Variants in CADPS2 observed in about 807,000 individuals in gnomAD.
The protein encoded by CADPS2 is calcium dependent secretion activator 2, also known as calcium-dependent secretion activator 2.
In CADPS2, 93 loss-of-function variants were observed where a neutral mutation model predicts 172.5. The ratio of observed to expected loss-of-function variants is 0.54; its 90% CI spans 0.46 to 0.64. The LOEUF (loss-of-function observed/expected upper bound fraction) is 0.64. CADPS2 is among the 30% of genes least tolerant of loss of function. CADPS2 has a pLI of 0.00. For missense variants in CADPS2, 1,420 were observed against 1,565.9 expected (o/e 0.91, Z 1.57); for synonymous variants, 546 against 555.2 (o/e 0.98, Z 0.23).
At chr7:122,581,087 A>G in intron 7 of CADPS2, 92 bp downstream of exon 7, 1 of 827,144 alleles carries the variant, frequency 1.2e-6, no homozygotes, top group Admixed American at 2.3e-5. Context: ...ATGAACATAA[A>G]GTTCACATAT....
intron 25 of CADPS2, 150 bp from the exon 26 acceptor site, chr7:122,361,163 C>T: frequency 1.7e-6 from 1 of 587,500 alleles, no homozygotes; most frequent in South Asian, 2.1e-5. Flanking sequence ...GTGATGTTTA[C>T]TCTTTCATTC....
At chr7:122,883,589 A>G (rs1012582187) in intron 1 of CADPS2, among the ~76,000 whole-genome samples, 1 of 152,194 alleles carries the variant, frequency 6.6e-6, no homozygotes, top group Non-Finnish European at 1.5e-5. Context: ...TAGCTTGTGC[A>G]TCAAATTCAC....
chr7:122,762,771 A>G (rs551682931), intron 1 of CADPS2, among the ~76,000 whole-genome samples: 1 of 152,272 alleles, frequency 6.6e-6, no homozygotes, highest in Non-Finnish European at 1.5e-5. Flanking sequence ...GAAGGCCACC[A>G]GTCCAAATGG....
At chr7:122,332,520 G>C (rs1438195205) in intron 28 of CADPS2, among the ~76,000 whole-genome samples, 1 of 151,516 alleles carries the variant, frequency 6.6e-6, no homozygotes, top group African/African-American at 2.4e-5. Flanking sequence ...TGTAAATTAA[G>C]AGTATCATGT....
At chr7:122,718,409 G>A (rs947809620) in intron 2 of CADPS2, among the ~76,000 whole-genome samples, 2 of 152,022 alleles carry the variant, frequency 1.3e-5, no homozygotes, top group Non-Finnish European at 2.9e-5. Context: ...AGTAGAAAGA[G>A]GGAGGAAGAA....
intron 4 of CADPS2, among the ~76,000 whole-genome samples, chr7:122,622,487 A>G (rs1283638723): frequency 3.3e-5 from 5 of 152,196 alleles, no homozygotes; most frequent in Non-Finnish European, 7.3e-5. Context: ...CTTCTGCTCA[A>G]TTAAAAGGAT....
chr7:122,462,755 T>C (rs6948516), intron 14 of CADPS2, among the ~76,000 whole-genome samples: 62,918 of 151,998 alleles, frequency 0.41, 13,368 homozygotes, highest in African/African-American at 0.5. Flanking sequence ...GTTATGATGA[T>C]CATCACCAAA....
At chr7:122,828,339 A>G (rs549150660) in intron 1 of CADPS2, among the ~76,000 whole-genome samples, 76 of 152,050 alleles carry the variant, frequency 5.0e-4, no homozygotes, top group Non-Finnish European at 9.3e-4. Context: ...AGCAACATAT[A>G]ATGGGTTCCT....
intron 1 of CADPS2, among the ~76,000 whole-genome samples, chr7:122,789,392 A>G (rs896868264): frequency 2.6e-5 from 4 of 152,210 alleles, no homozygotes; most frequent in African/African-American, 7.2e-5. Flanking sequence ...AATTAGTAGT[A>G]AGAGCTGCTA....
intron 8 of CADPS2, among the ~76,000 whole-genome samples, chr7:122,547,584 TA>T (rs2063757233): frequency 6.6e-6 from 1 of 152,160 alleles, no homozygotes; most frequent in African/African-American, 2.4e-5. Flanking sequence ...AAATTGGGTT[TA>T]AAAATAGCAA....
intron 1 of CADPS2, among the ~76,000 whole-genome samples, chr7:122,803,851 T>C (rs1193980526): frequency 6.6e-6 from 1 of 151,998 alleles, no homozygotes; most frequent in Non-Finnish European, 1.5e-5. Context: ...GTTTTCCTAA[T>C]ACACATCTTA....
In CADPS2 at chr7:122,885,979, C is replaced by T. The variant is rs373219693; in HGVS notation, c.339+20G>A. On this transcript the variant is annotated intron_variant, in intron 1 of 29. Coordinates refer to ENST00000449022, the MANE Select transcript of CADPS2 (RefSeq NM_017954.11). ...CCCAGGGAGAAGTGGTGGTAGGAGG[C>T]GCCCGGTCCCGCAACTCACCTTCTG... 2 of 1,591,136 alleles carry T rather than the reference C, an allele frequency of 1.3e-6. No individual in the cohort carries two copies. Among genetic ancestry groups the T allele is most frequent in the African/African-American group, 1.3e-5 (1 of 74,548 alleles).
intron 28 of CADPS2, among the ~76,000 whole-genome samples, chr7:122,339,267 T>A (rs923077539): frequency 1.6e-4 from 25 of 152,210 alleles, no homozygotes; most frequent in Non-Finnish European, 3.4e-4. Flanking sequence ...TTCTATTTAA[T>A]GGTCACTTTT....
At chr7:122,347,958 T>C (rs2037945817) in intron 27 of CADPS2, among the ~76,000 whole-genome samples, 1 of 152,156 alleles carries the variant, frequency 6.6e-6, no homozygotes, top group Non-Finnish European at 1.5e-5. Flanking sequence ...CAATACACAA[T>C]AGCAAGTTAA....
intron 4 of CADPS2, among the ~76,000 whole-genome samples, chr7:122,628,025 G>A (rs2076242250): frequency 6.6e-6 from 1 of 152,082 alleles, no homozygotes; most frequent in African/African-American, 2.4e-5. Context: ...CTGTGCAAAT[G>A]TAACTCTTTG....
chr7:122,886,391 G>A lies in CADPS2; in HGVS notation c.-54C>T. 1 of 1,461,792 alleles carries A rather than the reference G, an allele frequency of 6.8e-7. No homozygotes were observed. The highest frequency in any genetic ancestry group is 8.9e-7 in the Non-Finnish European group (1 of 1,117,898). The allele number at this position is 1,461,792 out of a possible 1,614,324, so 90.6% of individuals were successfully genotyped here. ...CGCGGTCCCCAAGCGCCTCACCCCC[G>A]GCGGCTGCGCCCGCGGGTCTGAGGG... On this transcript the variant is annotated 5_prime_UTR_variant, in exon 1 of 30. Coordinates refer to ENST00000449022, the MANE Select transcript of CADPS2 (RefSeq NM_017954.11).
At chr7:122,453,092 T>C (rs1012432585) in intron 14 of CADPS2, among the ~76,000 whole-genome samples, 1 of 152,196 alleles carries the variant, frequency 6.6e-6, no homozygotes, top group Non-Finnish European at 1.5e-5. Flanking sequence ...ATTTATGCTT[T>C]GAAAACATTT....
At chr7:122,741,417 C>A (rs1022701562) in intron 1 of CADPS2, among the ~76,000 whole-genome samples, 14 of 152,020 alleles carry the variant, frequency 9.2e-5, no homozygotes, top group African/African-American at 3.4e-4. Flanking sequence ...GTGAAACAAC[C>A]CTTAAAATAA....
chr7:122,527,632 G>A (rs972477129), intron 8 of CADPS2, among the ~76,000 whole-genome samples: 20 of 150,074 alleles, frequency 1.3e-4, no homozygotes, highest in African/African-American at 4.7e-4. Flanking sequence ...GTGTGTGTGT[G>A]TGTGTGTGTG....
Sources: gnomAD v4.1 joint callset for allele counts (sites outside exome capture counted in the v4.1 genomes callset) on GRCh38, gnomAD v4.1.1 for gene constraint, MANE v1.5 for transcripts, NCBI Gene and HGNC (gene_info 2026-07-23, HGNC 2026-07-21) for gene names.